DNMBP: variants seen among roughly 807,000 people sequenced by gnomAD.
DNMBP encodes the protein dynamin binding protein, also known as dynamin-binding protein.
DNMBP carries 87 observed loss-of-function variants against 150.0 expected under a neutral mutation model. The ratio of observed to expected loss-of-function variants is 0.58; its 90% CI spans 0.49 to 0.69. The LOEUF (loss-of-function observed/expected upper bound fraction) is 0.69, where lower values mean the gene tolerates loss of function less well. Ranked by LOEUF, DNMBP falls within the 30% of genes least tolerant of loss-of-function variation. DNMBP has a pLI of 0.00. For synonymous variants in DNMBP, 711 were observed against 750.4 expected (o/e 0.95, Z 0.86); for missense variants, 1,774 against 1,949.0 (o/e 0.91, Z 1.69).
At position 99,891,254 on chromosome 10, in the gene DNMBP, C is replaced by T. The variant is rs945094414; in HGVS notation, c.3157-2301G>A. 6.6e-4 allele frequency among the ~76,000 whole-genome samples: 98 copies of T among 148,078 alleles called. 2 individuals are homozygous for T. The South Asian group carries it at 0.02, about 30-fold the overall frequency. On this transcript the variant is annotated intron_variant, in intron 11 of 16. Transcript: ENST00000324109. Reference sequence around the variant, plus strand: ...GCGGAGCCAAAGCTGGACTGTACTGCTGCCATCTCGGCTCACTGCAACCTC... The same window carrying T: ...GCGGAGCCAAAGCTGGACTGTACTGTTGCCATCTCGGCTCACTGCAACCTC...
Position 99,879,962 on chromosome 10 carries a change from T to G in DNMBP, c.4397A>C (p.Tyr1466Ser), listed in dbSNP as rs918763099. 6.2e-7 allele frequency: 1 copy of G among 1,613,780 alleles called. No homozygotes were observed. Residue 1466 changes from tyrosine to serine, a missense_variant, in exon 16 of 17, where the codon TAC (tyrosine) becomes TCC (serine). Physicochemically the swap from Tyr to Ser is moderately radical, Grantham distance 144 (BLOSUM62 -2). Transcript: ENST00000324109. ...VKQPTATPRS[Y>S]RNFRHPEIVG... ...TATTTCTGGATGCCTGAAGTTCCGG[T>G]AGCTCCTCGGCGTGGCAGTGGGTTG...
intron 15 of DNMBP, 27 bp downstream of exon 15, chr10:99,883,982 TAC>T (rs1224034478): frequency 1.2e-6 from 2 of 1,602,212 alleles, no homozygotes; most frequent in Non-Finnish European, 1.7e-6. Context: ...TTTTTCCAGT[TAC>T]AGTCCTCTGC....
chr10:99,918,785 T>C (rs1164485811), intron 4 of DNMBP, among the ~76,000 whole-genome samples: 1 of 152,188 alleles, frequency 6.6e-6, no homozygotes, highest in Non-Finnish European at 1.5e-5. Context: ...CAACTTCTTA[T>C]GCTGCAGGAT....
chr10:99,964,553 G>A (rs2040599273), intron 3 of DNMBP, among the ~76,000 whole-genome samples: 1 of 149,634 alleles, frequency 6.7e-6, no homozygotes, highest in Admixed American at 6.7e-5. Flanking sequence ...CTTCTTCTAA[G>A]AGACAGACTT....
At chr10:99,891,558 CAA>C (rs962651928) in intron 11 of DNMBP, among the ~76,000 whole-genome samples, 1 of 152,030 alleles carries the variant, frequency 6.6e-6, no homozygotes, top group Non-Finnish European at 1.5e-5. Flanking sequence ...CTTGGACTCC[CAA>C]AGTGCCGAGA....
intron 4 of DNMBP, among the ~76,000 whole-genome samples, chr10:99,922,660 G>A (rs979175144): frequency 6.6e-6 from 1 of 151,856 alleles, no homozygotes; most frequent in Non-Finnish European, 1.5e-5. Context: ...TGGGACCACA[G>A]GCACGCACCA....
intron 1 of DNMBP, among the ~76,000 whole-genome samples, chr10:99,978,762 A>C (rs2040754156): frequency 6.6e-6 from 1 of 152,050 alleles, no homozygotes; most frequent in African/African-American, 2.4e-5. Flanking sequence ...TACAGAGGTG[A>C]GGTTTTGCCA....
chr10:99,918,066 T>C (rs529551898), intron 4 of DNMBP, among the ~76,000 whole-genome samples: 1 of 150,976 alleles, frequency 6.6e-6, no homozygotes, highest in South Asian at 2.1e-4. Context: ...TAGCAACGCA[T>C]CTAGAAGCAG....
At chr10:99,918,999 TGTCA>T (rs1426396887) in intron 4 of DNMBP, among the ~76,000 whole-genome samples, 3 of 152,248 alleles carry the variant, frequency 2.0e-5, no homozygotes, top group Non-Finnish European at 2.9e-5. Flanking sequence ...CAAATTTTTA[TGTCA>T]GTCAATAAAA....
intron 4 of DNMBP, among the ~76,000 whole-genome samples, chr10:99,915,192 T>C (rs1407770973): frequency 7.6e-6 from 1 of 132,042 alleles, no homozygotes; most frequent in African/African-American, 2.9e-5. Flanking sequence ...TACACACATA[T>C]ACACACATAT....
At chr10:99,982,413 C>T (rs1397874988) in intron 1 of DNMBP, among the ~76,000 whole-genome samples, 1 of 151,992 alleles carries the variant, frequency 6.6e-6, no homozygotes, top group Non-Finnish European at 1.5e-5. Context: ...TACTGCAATC[C>T]AGCCTGGGCA....
At chr10:99,895,479 T>C (rs886494721) in intron 10 of DNMBP, among the ~76,000 whole-genome samples, 16 of 152,162 alleles carry the variant, frequency 1.1e-4, no homozygotes, top group African/African-American at 3.9e-4. Context: ...ACCTTTAATG[T>C]TTTCCTGAAT....
At chr10:99,960,331 G>A (rs1416811307) in intron 3 of DNMBP, among the ~76,000 whole-genome samples, 4 of 151,970 alleles carry the variant, frequency 2.6e-5, no homozygotes, top group African/African-American at 9.7e-5. Context: ...TACTTTTATA[G>A]TTAAAATTTC....
rs151156000 is a variant in DNMBP, at chr10:99,923,156, C to G, written c.2261-14010G>C. Among the ~76,000 whole-genome samples, 1,267 of 151,832 alleles carry G rather than the reference C, an allele frequency of 8.3e-3. 7 individuals are homozygous for G. Among genetic ancestry groups the G allele is most frequent in the South Asian group, 0.018 (85 of 4,788 alleles). ...CTGTAATCCTAGCACTTTGGGAGGC[C>G]GAGGTGGGCGGATCAGGAGGTCAGG... On this transcript the variant is annotated intron_variant, in intron 4 of 16. Transcript: ENST00000324109.
chr10:99,931,501 T>C (rs1221692157), intron 4 of DNMBP, among the ~76,000 whole-genome samples: 1 of 152,212 alleles, frequency 6.6e-6, no homozygotes, highest in African/African-American at 2.4e-5. Flanking sequence ...GGTGATTTTA[T>C]AGCGTAAACA....
chr10:99,949,932 T>G (rs981617772), intron 4 of DNMBP, among the ~76,000 whole-genome samples: 1 of 152,160 alleles, frequency 6.6e-6, no homozygotes, highest in Non-Finnish European at 1.5e-5. Context: ...ACACTATTAA[T>G]TCTAAAAAGT....
At chr10:99,922,575 G>A (rs1320725102) in intron 4 of DNMBP, among the ~76,000 whole-genome samples, 1 of 145,804 alleles carries the variant, frequency 6.9e-6, no homozygotes, top group Non-Finnish European at 1.5e-5. Context: ...GGAGTGCAGT[G>A]GTGCAATCAT....
intron 1 of DNMBP, among the ~76,000 whole-genome samples, chr10:99,998,200 A>C (rs1336523619): frequency 1.3e-5 from 2 of 149,144 alleles, no homozygotes; most frequent in East Asian, 3.9e-4. Flanking sequence ...GCGCCACTGT[A>C]CTCCAGCCTG....
chr10:99,983,654 C>T (rs2040801613), intron 1 of DNMBP, among the ~76,000 whole-genome samples: 1 of 152,188 alleles, frequency 6.6e-6, no homozygotes, highest in Non-Finnish European at 1.5e-5. Context: ...CCCCCAGGAC[C>T]GCAGCACTGA....
Sources: allele counts gnomAD v4.1 joint callset (sites outside exome capture counted in the v4.1 genomes callset), GRCh38; gene constraint gnomAD v4.1.1; transcripts MANE v1.5; gene names NCBI Gene and HGNC (gene_info 2026-07-23, HGNC 2026-07-21).